Variants in KANSL1L observed in about 807,000 individuals in gnomAD.
KANSL1L encodes KAT8 regulatory NSL complex subunit 1-like protein.
In KANSL1L, 25 loss-of-function variants were observed where a neutral mutation model predicts 108.6. The observed-to-expected ratio is 0.23, with a 90% CI of 0.17 to 0.32. The LOEUF is 0.32. Among genes scored for constraint, KANSL1L ranks in the 10% least tolerant of loss-of-function variants. The pLI is 1.00. For missense variants in KANSL1L, 1,137 were observed against 1,125.7 expected (o/e 1.01, Z -0.14); for synonymous variants, 405 against 395.1 (o/e 1.03, Z -0.30).
At chr2:210,075,469 A>G (rs2094535723) in intron 6 of KANSL1L, 83 bp downstream of exon 6, 2 of 888,586 alleles carry the variant, frequency 2.3e-6, no homozygotes, top group Non-Finnish European at 3.6e-6. Context: ...GTGTTATGCT[A>G]AATAACAATC....
intron 3 of KANSL1L, among the ~76,000 whole-genome samples, chr2:210,124,825 G>T (rs2095051777): frequency 6.6e-6 from 1 of 152,070 alleles, no homozygotes; most frequent in South Asian, 2.1e-4. Flanking sequence ...GGATGTTATT[G>T]CTGAATCTAA....
At chr2:210,094,141 G>A (rs1179843115) in intron 5 of KANSL1L, among the ~76,000 whole-genome samples, 3 of 151,962 alleles carry the variant, frequency 2.0e-5, no homozygotes, top group African/African-American at 7.3e-5. Flanking sequence ...TGGTGATGAT[G>A]ATTACACAAC....
intron 1 of KANSL1L, chr2:210,155,278 G>C (rs1025119203): frequency 6.6e-6 from 1 of 152,140 alleles, no homozygotes; most frequent in Admixed American, 6.6e-5. Flanking sequence ...CGGGCATGGT[G>C]GTGGGCAACT....
chr2:210,098,278 C>A lies in KANSL1L; in HGVS notation c.1429-71G>T, dbSNP rs546718902. The A allele has an allele frequency of 1.9e-5, 27 of 1,398,218 alleles. No homozygotes were observed. In the South Asian group the frequency reaches 3.3e-4, roughly 17 times the overall value. The allele number at this position is 1,398,218 out of a possible 1,614,324, so 86.6% of individuals were successfully genotyped here. On this transcript the variant is annotated intron_variant, in intron 4 of 14. Transcript: ENST00000281772. ...TGAGTTAAAGCTCAGATGCATAGTG[C>A]CAATTAATCCTTAACTTCTCATGAC...
At chr2:210,134,032 C>T (rs1349790939) in intron 2 of KANSL1L, among the ~76,000 whole-genome samples, 1 of 152,010 alleles carries the variant, frequency 6.6e-6, no homozygotes, top group African/African-American at 2.4e-5. Flanking sequence ...TAAAATGTTT[C>T]ACTGGGCAGA....
Position 210,105,744 on chromosome 2 carries a change from A to T in KANSL1L, c.1231-1443T>A, listed in dbSNP as rs189188042. ...GGTAAAAGTAGTAAATGCGCTTTTT[A>T]AAAAAATCTACATTTTGAATAGTGC... On this transcript the variant is annotated intron_variant, in intron 3 of 14. Coordinates refer to ENST00000281772, the MANE Select transcript of KANSL1L (RefSeq NM_152519.4). Among the ~76,000 whole-genome samples the T allele has an allele frequency of 6.9e-4, 105 of 152,130 alleles. No individual in the cohort carries two copies. The East Asian group carries it at 0.016, about 23-fold the overall frequency.
At chr2:210,055,009 T>C (rs1204234470) in intron 6 of KANSL1L, among the ~76,000 whole-genome samples, 1 of 152,166 alleles carries the variant, frequency 6.6e-6, no homozygotes, top group African/African-American at 2.4e-5. Flanking sequence ...GTGATACGGT[T>C]TGGCTGTGTC....
intron 1 of KANSL1L, among the ~76,000 whole-genome samples, chr2:210,159,210 A>G (rs1288516045): frequency 6.6e-6 from 1 of 152,198 alleles, no homozygotes; most frequent in African/African-American, 2.4e-5. Flanking sequence ...CTCCAGAAAC[A>G]CCGGCCTCTA....
chr2:210,151,538 A>C (rs1416258759), intron 2 of KANSL1L: 2 of 152,222 alleles, frequency 1.3e-5, no homozygotes, highest in Non-Finnish European at 2.9e-5. Context: ...AATGTTGAGA[A>C]AACAGCATAT....
rs771745873 is a variant in KANSL1L, at chr2:210,153,992, T to C, written c.591A>G (p.Gln197=). The C allele has an allele frequency of 6.2e-7, 1 of 1,613,866 alleles. No individual in the cohort carries two copies. The change falls in exon 2 of 15, where the codon CAA becomes CAG. Residue 197 remains glutamine (Q), a synonymous_variant. Transcript: ENST00000281772. The stretch of plus-strand genomic sequence containing the variant: ...TTGAGTGGCCAGGTACAATTTTCTT[T>C]TGAGTACAGTGCAATAAACCCTTTT... The part of the protein sequence containing the change: ...EIKKGLLHCT[Q]KKIVPGHSNV...
intron 3 of KANSL1L, among the ~76,000 whole-genome samples, chr2:210,105,130 A>G (rs2094833613): frequency 6.6e-6 from 1 of 151,956 alleles, no homozygotes; most frequent in Admixed American, 6.6e-5. Flanking sequence ...GACAACAGAG[A>G]AAGAGAAAAA....
intron 8 of KANSL1L, chr2:210,032,475 A>G (rs1383248586): frequency 6.6e-6 from 1 of 152,236 alleles, no homozygotes; most frequent in African/African-American, 2.4e-5. Context: ...TGCCACAAAG[A>G]TGTGTGACGC....
chr2:210,142,689 T>C (rs556558306), intron 2 of KANSL1L, among the ~76,000 whole-genome samples: 1 of 152,274 alleles, frequency 6.6e-6, no homozygotes, highest in African/African-American at 2.4e-5. Flanking sequence ...TCTCAAGATA[T>C]TTTAAAATTT....
At chr2:210,077,491 A>C (rs1328351037) in intron 5 of KANSL1L, among the ~76,000 whole-genome samples, 1 of 152,146 alleles carries the variant, frequency 6.6e-6, no homozygotes, top group East Asian at 1.9e-4. Context: ...GAACAGGCTA[A>C]GTGGCTAGCA....
intron 5 of KANSL1L, among the ~76,000 whole-genome samples, chr2:210,081,379 T>C (rs2094588660): frequency 6.6e-6 from 1 of 152,188 alleles, no homozygotes; most frequent in Non-Finnish European, 1.5e-5. Flanking sequence ...TTTCCAATAA[T>C]CATCTAACTC....
At chr2:210,155,687 G>T (rs11682724) in intron 1 of KANSL1L, among the ~76,000 whole-genome samples, 139,850 of 152,262 alleles carry the variant, frequency 0.92, 65,404 homozygotes, top group Non-Finnish European at 1. Flanking sequence ...ATATTGATTC[G>T]CAGAAAAAGG....
chr2:210,135,287 T>G (rs76450354), intron 2 of KANSL1L, among the ~76,000 whole-genome samples: 1 of 152,262 alleles, frequency 6.6e-6, no homozygotes, highest in East Asian at 1.9e-4. Flanking sequence ...TTATCATCCT[T>G]GAGAAGATGG....
intron 8 of KANSL1L, among the ~76,000 whole-genome samples, chr2:210,034,146 CATT>C (rs1406391969): frequency 6.6e-6 from 1 of 152,148 alleles, no homozygotes; most frequent in Non-Finnish European, 1.5e-5. Context: ...ACATGGCAAG[CATT>C]ATTCTAAACC....
intron 6 of KANSL1L, among the ~76,000 whole-genome samples, chr2:210,050,265 A>G (rs1406642330): frequency 6.6e-6 from 1 of 152,196 alleles, no homozygotes; most frequent in Non-Finnish European, 1.5e-5. Context: ...AACAAAAAAC[A>G]TGGGAGAAAT....
Sources: allele counts gnomAD v4.1 joint callset (sites outside exome capture counted in the v4.1 genomes callset), GRCh38; gene constraint gnomAD v4.1.1; transcripts MANE v1.5; gene names NCBI Gene and HGNC (gene_info 2026-07-23, HGNC 2026-07-21).